The following KIAA1755 variants were observed in gnomAD, a reference collection of about 807,000 sequenced individuals.
KIAA1755 encodes KIAA1755, also known as uncharacterized protein KIAA1755.
Under a neutral mutation model 91.7 loss-of-function variants are expected in KIAA1755, and 68 were observed. The observed-to-expected ratio is 0.74, with a 90% CI of 0.61 to 0.91. The LOEUF is 0.91. Among genes scored for constraint, KIAA1755 ranks in the 40% least tolerant of loss-of-function variants. The pLI, the probability that KIAA1755 is intolerant of heterozygous loss-of-function variation, is 0.00. For synonymous variants in KIAA1755, 610 were observed against 604.6 expected (o/e 1.01, Z -0.13); for missense variants, 1,535 against 1,494.4 (o/e 1.03, Z -0.45).
chr20:38,217,107 G>C (rs577081472), intron 13 of KIAA1755, 146 bp downstream of exon 13: 9 of 662,706 alleles, frequency 1.4e-5, no homozygotes, highest in East Asian at 5.6e-5. Flanking sequence ...GCAAGTGGGT[G>C]GGGGGGGGCT....
At chr20:38,240,204 G>A (rs891887381) in intron 3 of KIAA1755, among the ~76,000 whole-genome samples, 17 of 152,024 alleles carry the variant, frequency 1.1e-4, no homozygotes, top group Non-Finnish European at 1.6e-4. Flanking sequence ...CCAAAGCACT[G>A]GGATTACAGG....
chr20:38,241,911 G>A lies in KIAA1755; in HGVS notation c.220C>T (p.Leu74Phe). 2 of 1,613,086 alleles carry A rather than the reference G, an allele frequency of 1.2e-6. No individual in the cohort carries two copies. Among genetic ancestry groups the A allele is most frequent in the Non-Finnish European group, 1.7e-6 (2 of 1,179,720 alleles). ...EAACAPYSHC[L>F]FLHEGWPLCL... Reference sequence around the variant, plus strand: ...AGTGGCCAGCCCTCGTGTAAGAAGAGGCAGTGTGAGTAGGGAGCCTGTGGA... The same window carrying A: ...AGTGGCCAGCCCTCGTGTAAGAAGAAGCAGTGTGAGTAGGGAGCCTGTGGA... The change falls in exon 3 of 14, where the codon CTC becomes TTC. Residue 74 changes from leucine (L) to phenylalanine (F), a missense_variant. Coordinates refer to ENST00000279024, the MANE Select transcript of KIAA1755 (RefSeq NM_001029864.2).
In KIAA1755 at chr20:38,260,045, C is replaced by T. The variant is rs999025826; in HGVS notation, c.3+453G>A. The stretch of plus-strand genomic sequence containing the variant: ...AGTTCTCTCCTTTTCACCCTGGACC[C>T]TTAACCCTCCTCGCCCTGCACTGCC... On this transcript the variant is annotated intron_variant, in intron 1 of 13. Coordinates refer to ENST00000279024, the MANE Select transcript of KIAA1755 (RefSeq NM_001029864.2). The T allele has an allele frequency of 6.2e-5, 24 of 387,856 alleles. No individual in the cohort carries two copies. In the Admixed American group the frequency reaches 1.2e-3, roughly 19 times the overall value. The allele number at this position is 387,856 out of a possible 1,614,324, so 24.0% of individuals were successfully genotyped here.
In KIAA1755 at chr20:38,218,255, G is replaced by A. The variant is rs2075587658; in HGVS notation, c.2668C>T (p.Leu890Phe). Reference protein sequence around the residue: ...KAHAEFENFFLQAAAQYRRGL... With the variant: ...KAHAEFENFFFQAAAQYRRGL... ...TGTCTGGAACGCACTGCAGCCTGGAGGAAGAAGTTCTCAAATTCTGCGTGG... is the reference window on the plus strand; with the variant it reads ...TGTCTGGAACGCACTGCAGCCTGGAAGAAGAAGTTCTCAAATTCTGCGTGG... Residue 890 changes from leucine (L) to phenylalanine (F), a missense_variant, in exon 12 of 14, where the codon CTC becomes TTC. Transcript: ENST00000279024. The A allele has an allele frequency of 1.9e-6, 3 of 1,614,114 alleles. No homozygotes were observed. Among genetic ancestry groups the A allele is most frequent in the Non-Finnish European group, 1.7e-6 (2 of 1,180,054 alleles).
At chr20:38,224,354 G>C (rs573338057) in intron 8 of KIAA1755, among the ~76,000 whole-genome samples, 23 of 152,308 alleles carry the variant, frequency 1.5e-4, no homozygotes, top group Middle Eastern at 3.4e-3. Flanking sequence ...AGGGAAGCTA[G>C]GACCCTGGGG....
chr20:38,241,696 G>A lies in KIAA1755; in HGVS notation c.435C>T (p.Phe145=), dbSNP rs763987520. The change falls in exon 3 of 14, where the codon TTC becomes TTT. Residue 145 remains phenylalanine (F), a synonymous_variant. Coordinates refer to ENST00000279024, the MANE Select transcript of KIAA1755 (RefSeq NM_001029864.2). The stretch of plus-strand genomic sequence containing the variant: ...TGATGGCCTCCAGCCATTCTTGGGT[G>A]AAAAGTATAGGGTAGGCTGGCTCTG... ...PVPEPAYPIL[F]TQEWLEAINS... The A allele has an allele frequency of 6.2e-7, 1 of 1,614,248 alleles. No homozygotes were observed. The highest frequency in any genetic ancestry group is 1.1e-5 in the South Asian group (1 of 91,086).
Position 38,223,549 on chromosome 20 carries a change from CA to C in KIAA1755, c.2256del (p.Met755CysfsTer8). 1 of 1,595,316 alleles carries C rather than the reference CA, an allele frequency of 6.3e-7. No homozygotes were observed. The highest frequency in any genetic ancestry group is 1.4e-5 in the African/African-American group (1 of 73,618). ...SIEEFEKADPPGGMQEATRCL... is the reference protein window; with the variant it reads ...SIEEFEKADPXGGMQEATRCL... Reference sequence around the variant, plus strand: ...TGCTCCAGGCTCACCTGCATCCCCCCAGGGGGGTCGGCCTTCTCGAATTCCT... The same window carrying C: ...TGCTCCAGGCTCACCTGCATCCCCCCGGGGGGTCGGCCTTCTCGAATTCCT... On this transcript the variant is annotated frameshift_variant, in exon 9 of 14. Transcript: ENST00000279024. LOFTEE classifies it high-confidence loss of function.
At chr20:38,247,608 C>T (rs79727681) in intron 1 of KIAA1755, among the ~76,000 whole-genome samples, 4 of 152,208 alleles carry the variant, frequency 2.6e-5, no homozygotes, top group African/African-American at 4.8e-5. Context: ...CCTCCAATGA[C>T]GCCCTCATCC....
At chr20:38,258,595 T>G (rs911582384) in intron 1 of KIAA1755, among the ~76,000 whole-genome samples, 1 of 152,200 alleles carries the variant, frequency 6.6e-6, no homozygotes, top group Non-Finnish European at 1.5e-5. Context: ...AAGGCTTTCC[T>G]GAAGAGGTGA....
rs1434128456 is a variant in KIAA1755, at chr20:38,240,854, G to A, written c.1277C>T (p.Ser426Phe). Residue 426 changes from serine (S) to phenylalanine (F), a missense_variant, in exon 3 of 14, where the codon TCC becomes TTC. Ser to Phe is a radical substitution (Grantham distance 155). Coordinates refer to ENST00000279024, the MANE Select transcript of KIAA1755 (RefSeq NM_001029864.2). Reference sequence around the variant, plus strand: ...GGCTGCAGCTGCAGGAGAAGCTGGGGACAGGCGGGGAGAGGAGGCTTGTCT... The same window carrying A: ...GGCTGCAGCTGCAGGAGAAGCTGGGAACAGGCGGGGAGAGGAGGCTTGTCT... Reference protein sequence around the residue: ...GPRQASSPRLSPASPAAAASE... With the variant: ...GPRQASSPRLFPASPAAAASE... The A allele has an allele frequency of 1.2e-6, 2 of 1,614,096 alleles. No individual in the cohort carries two copies. The highest frequency in any genetic ancestry group is 2.2e-5 in the South Asian group (2 of 91,080).
chr20:38,240,983 C>T lies in KIAA1755; in HGVS notation c.1148G>A (p.Cys383Tyr), dbSNP rs61745896. 2 of 1,614,054 alleles carry T rather than the reference C, an allele frequency of 1.2e-6. No individual in the cohort carries two copies. The highest frequency in any genetic ancestry group is 2.7e-5 in the African/African-American group (2 of 74,934). ...GACACCTGCCCTGAGACCAGAGGCA[C>T]AGTCCAGTGCGTCCTCAAGGACATT... ...YMNVLEDALD[C>Y]ASGLRAGVSQ... is the part of the protein sequence containing the mutation. Residue 383 changes from cysteine (C) to tyrosine (Y), a missense_variant, in exon 3 of 14, where the codon TGT becomes TAT. Coordinates refer to ENST00000279024, the MANE Select transcript of KIAA1755 (RefSeq NM_001029864.2).
At chr20:38,229,008 C>T (rs1238114982) in intron 5 of KIAA1755, among the ~76,000 whole-genome samples, 2 of 152,178 alleles carry the variant, frequency 1.3e-5, no homozygotes, top group African/African-American at 4.8e-5. Context: ...ACTCCTCTCC[C>T]ATCCCCACCC....
chr20:38,219,501 A>T, intron 11 of KIAA1755, 129 bp downstream of exon 11: 1 of 1,289,232 alleles, frequency 7.8e-7, no homozygotes, highest in Non-Finnish European at 1.1e-6. Flanking sequence ...CTGGCCTTTG[A>T]AGGATCGCCA....
intron 13 of KIAA1755, among the ~76,000 whole-genome samples, chr20:38,214,945 G>A (rs2075519134): frequency 6.6e-6 from 1 of 152,226 alleles, no homozygotes; most frequent in South Asian, 2.1e-4. Flanking sequence ...TTAGATAAAT[G>A]GCTTCATATT....
rs2076433520 is a variant in KIAA1755 at position 38,260,673 on chromosome 20, G to GGACA, written c.-177_-174dup. 1 of 652,628 alleles carries GGACA rather than the reference G, an allele frequency of 1.5e-6. No individual in the cohort carries two copies. The allele number at this position is 652,628 out of a possible 1,614,324, so 40.4% of individuals were successfully genotyped here. A position where few individuals can be genotyped will look rare whatever the true frequency, so the allele number is the denominator to read the frequency against. On this transcript the variant is annotated 5_prime_UTR_variant, in exon 1 of 14. It removes the in-frame stop codon of an upstream open reading frame in the 5' UTR. Coordinates refer to ENST00000279024, the MANE Select transcript of KIAA1755 (RefSeq NM_001029864.2). ...GTCATCTCGGAGGAGCGGCCGGGGA[G>GGACA]GACAGGGAGAGAGACTGAGAGAGAG...
At chr20:38,232,439 A>G (rs1040768292) in intron 4 of KIAA1755, among the ~76,000 whole-genome samples, 7 of 152,124 alleles carry the variant, frequency 4.6e-5, no homozygotes, top group African/African-American at 1.7e-4. Context: ...ATCCTGGCTA[A>G]CATGGTGAAA....
intron 3 of KIAA1755, among the ~76,000 whole-genome samples, 188 bp downstream of exon 3, chr20:38,240,394 C>A (rs2076034247): frequency 6.6e-6 from 1 of 152,226 alleles, no homozygotes. Context: ...AGTTGTAACA[C>A]AGTCACAGTG....
intron 1 of KIAA1755, among the ~76,000 whole-genome samples, chr20:38,257,579 TAAAAAAAAAAAAA>T (rs1219977631): frequency 2.2e-5 from 2 of 90,190 alleles, no homozygotes; most frequent in African/African-American, 8.1e-5. Context: ...AGACTCCATC[TAAAAAAAAAAAAA>T]AAAAAAAAAC....
chr20:38,222,132 C>T (rs2075670079), intron 10 of KIAA1755, among the ~76,000 whole-genome samples: 1 of 152,210 alleles, frequency 6.6e-6, no homozygotes, highest in South Asian at 2.1e-4. Flanking sequence ...AGGGGTTCAG[C>T]GTGGTGTGTG....
Sources: allele counts gnomAD v4.1 joint callset (sites outside exome capture counted in the v4.1 genomes callset), GRCh38; gene constraint gnomAD v4.1.1; transcripts MANE v1.5; gene names NCBI Gene and HGNC (gene_info 2026-07-23, HGNC 2026-07-21).